The following MGMT variants were observed in gnomAD, a reference collection of about 807,000 sequenced individuals.
The protein encoded by MGMT is O-6-methylguanine-DNA methyltransferase.
In MGMT, 14 loss-of-function variants were observed where a neutral mutation model predicts 15.9. That is an observed-to-expected ratio of 0.88 (90% CI 0.58 to 1.37). The LOEUF is 1.37. Ranked by LOEUF, MGMT falls within the 40% of genes most tolerant of loss-of-function variation. The pLI, the probability that MGMT is intolerant of heterozygous loss-of-function variation, is 0.00. For missense variants in MGMT, 282 were observed against 268.1 expected, an observed-to-expected ratio of 1.05 and a Z score of -0.36; for synonymous variants, 130 against 118.2, an observed-to-expected ratio of 1.10 and a Z score of -0.65.
intron 2 of MGMT, among the ~76,000 whole-genome samples, chr10:129,678,110 A>T (rs1236889959): frequency 6.6e-6 from 1 of 152,010 alleles, no homozygotes; most frequent in Non-Finnish European, 1.5e-5. Flanking sequence ...AACTGAAAAG[A>T]GGAGGCTCAA....
intron 1 of MGMT, among the ~76,000 whole-genome samples, chr10:129,527,763 G>A (rs992144168): frequency 1.4e-5 from 2 of 139,048 alleles, no homozygotes; most frequent in Admixed American, 7.0e-5. Context: ...TCGTTTCTCC[G>A]ACTTCATCCC....
At chr10:129,765,334 G>A (rs528989964) in intron 4 of MGMT, among the ~76,000 whole-genome samples, 19 of 152,162 alleles carry the variant, frequency 1.2e-4, no homozygotes, top group African/African-American at 4.3e-4. Context: ...CACAGTAACT[G>A]CTTGTTGGGA....
At chr10:129,669,699 T>G (rs1231774816) in intron 2 of MGMT, among the ~76,000 whole-genome samples, 1 of 152,152 alleles carries the variant, frequency 6.6e-6, no homozygotes, top group Non-Finnish European at 1.5e-5. Flanking sequence ...AACAAAACAC[T>G]ACCAGAACAG....
intron 1 of MGMT, among the ~76,000 whole-genome samples, chr10:129,504,262 TTCA>T (rs1411125226): frequency 1.3e-5 from 2 of 152,240 alleles, no homozygotes; most frequent in African/African-American, 2.4e-5. Context: ...TTATTGGACA[TTCA>T]TCATCTGGTC....
intron 2 of MGMT, among the ~76,000 whole-genome samples, chr10:129,593,226 C>T (rs1007915072): frequency 2.0e-5 from 3 of 152,234 alleles, no homozygotes; most frequent in Non-Finnish European, 4.4e-5. Flanking sequence ...AGCTCCTGCG[C>T]AGTGGGCGCT....
rs113086149 is a variant in MGMT at position 129,724,873 on chromosome 10, T to C, written c.274+16830T>C. Among the ~76,000 whole-genome samples the C allele has an allele frequency of 3.1e-3, 478 of 152,316 alleles. 3 individuals carry two copies. The highest frequency in any genetic ancestry group is 9.1e-3 in the African/African-American group (377 of 41,582). The stretch of plus-strand genomic sequence containing the variant: ...CTTGAAAGCAAATTTGGGGGAAAGA[T>C]CATGAAAACTGTGGCCTCCTTATCC... On this transcript the variant is annotated intron_variant, in intron 3 of 4. Transcript: ENST00000651593.
At chr10:129,676,354 A>T (rs1299890592) in intron 2 of MGMT, among the ~76,000 whole-genome samples, 1 of 152,184 alleles carries the variant, frequency 6.6e-6, no homozygotes, top group Admixed American at 6.5e-5. Flanking sequence ...GTGAACATAC[A>T]GGTTGATGGC....
intron 2 of MGMT, among the ~76,000 whole-genome samples, chr10:129,564,560 TTCC>T (rs1284605012): frequency 7.0e-5 from 6 of 85,120 alleles, no homozygotes; most frequent in South Asian, 6.7e-4. Context: ...CTTCCTCTTC[TTCC>T]TCCTCATTAT....
rs553603052 is a variant in MGMT, at chr10:129,584,227, C to T, written c.125+47850C>T. Among the ~76,000 whole-genome samples the T allele has an allele frequency of 6.6e-5, 10 of 152,212 alleles. No individual in the cohort carries two copies. In the South Asian group the frequency reaches 1.7e-3, roughly 25 times the overall value. ...GCAGGGAAACAGACATGGAGGGGCA[C>T]CATTTGGTTTGTAAAAGGAAGGTAT... On this transcript the variant is annotated intron_variant, in intron 2 of 4. Coordinates refer to ENST00000651593, the MANE Select transcript of MGMT (RefSeq NM_002412.5).
chr10:129,650,456 G>A (rs1481113276), intron 2 of MGMT, among the ~76,000 whole-genome samples: 1 of 152,160 alleles, frequency 6.6e-6, no homozygotes, highest in Non-Finnish European at 1.5e-5. Context: ...AGCTCCTGGT[G>A]GAGTGAAGGT....
intron 2 of MGMT, among the ~76,000 whole-genome samples, chr10:129,690,894 C>T (rs1053051619): frequency 2.0e-5 from 3 of 151,998 alleles, no homozygotes; most frequent in South Asian, 2.1e-4. Flanking sequence ...GGTGATGACT[C>T]GGGGAGGCTT....
chr10:129,727,532 T>C (rs984918212), intron 3 of MGMT, among the ~76,000 whole-genome samples: 1 of 152,236 alleles, frequency 6.6e-6, no homozygotes, highest in Non-Finnish European at 1.5e-5. Flanking sequence ...ATCTGTTACC[T>C]GTCTGTAGTG....
chr10:129,653,849 C>T (rs2133099852), intron 2 of MGMT, among the ~76,000 whole-genome samples: 1 of 152,278 alleles, frequency 6.6e-6, no homozygotes, highest in Non-Finnish European at 1.5e-5. Context: ...TGAAGAGTGT[C>T]AGGTGGGCTA....
chr10:129,679,049 G>T (rs1847817823), intron 2 of MGMT, among the ~76,000 whole-genome samples: 1 of 149,122 alleles, frequency 6.7e-6, no homozygotes, highest in South Asian at 2.1e-4. Context: ...CTCCAGCCTG[G>T]ATGACAGACT....
intron 1 of MGMT, among the ~76,000 whole-genome samples, chr10:129,478,153 GACCAGCTCAAAT>G (rs1845316193): frequency 6.6e-6 from 1 of 152,132 alleles, no homozygotes; most frequent in Admixed American, 6.5e-5. Flanking sequence ...GGGAAGGAGA[GACCAGCTCAAAT>G]GCTGCCAGAC....
intron 2 of MGMT, among the ~76,000 whole-genome samples, chr10:129,646,754 A>ATATTTTTTTTTTTTTTTTTT: frequency 2.3e-5 from 2 of 86,666 alleles, no homozygotes; most frequent in African/African-American, 3.9e-5. Flanking sequence ...ATATATATAT[A>ATATTTTTTTTTTTTTTTTTT]TTTTCAGGGA....
At chr10:129,721,441 T>C (rs1464938116) in intron 3 of MGMT, among the ~76,000 whole-genome samples, 2 of 152,252 alleles carry the variant, frequency 1.3e-5, no homozygotes, top group Non-Finnish European at 2.9e-5. Flanking sequence ...ATTGGGGAAC[T>C]ATAAGTTGAA....
At chr10:129,578,886 G>T (rs1302421340) in intron 2 of MGMT, among the ~76,000 whole-genome samples, 2 of 152,178 alleles carry the variant, frequency 1.3e-5, no homozygotes, top group Admixed American at 6.5e-5. Context: ...CCACCCTGGA[G>T]TGTGTATCTC....
chr10:129,618,771 T>TAAACTGGGA (rs1554869953), intron 2 of MGMT, among the ~76,000 whole-genome samples: 1 of 150,406 alleles, frequency 6.6e-6, no homozygotes, highest in South Asian at 2.1e-4. Context: ...GCTATATTTT[T>TAAACTGGGA]AGTTTCAATT....
Sources: allele counts gnomAD v4.1 joint callset (sites outside exome capture counted in the v4.1 genomes callset), GRCh38; gene constraint gnomAD v4.1.1; transcripts MANE v1.5; gene names NCBI Gene and HGNC (gene_info 2026-07-23, HGNC 2026-07-21).